The following RBAK variants were observed in gnomAD, a reference collection of about 807,000 sequenced individuals.
RBAK encodes RB-associated KRAB zinc finger protein.
A neutral mutation model predicts 65.8 loss-of-function variants in RBAK; 39 were observed. That is an observed-to-expected ratio of 0.59 (90% CI 0.46 to 0.77). The LOEUF (loss-of-function observed/expected upper bound fraction) is 0.77. Among genes scored for constraint, RBAK ranks in the 30% least tolerant of loss-of-function variants. RBAK has a pLI of 0.00. For synonymous variants in RBAK, 343 were observed against 289.7 expected, an observed-to-expected ratio of 1.18 and a Z score of -1.87; for missense variants, 884 against 855.1, an observed-to-expected ratio of 1.03 and a Z score of -0.42.
At chr7:5,055,337 CAT>C (rs976454299) in intron 2 of RBAK, among the ~76,000 whole-genome samples, 13 of 150,970 alleles carry the variant, frequency 8.6e-5, no homozygotes, top group African/African-American at 2.9e-4. Flanking sequence ...AATTGAAATA[CAT>C]ATGTCACATA....
Position 5,063,613 on chromosome 7 carries a change from A to G in RBAK, c.239-82A>G, listed in dbSNP as rs369934466. The G allele has an allele frequency of 6.7e-5, 76 of 1,131,996 alleles. No individual in the cohort carries two copies. The East Asian group carries it at 1.3e-3, about 19-fold the overall frequency. The allele number at this position is 1,131,996 out of a possible 1,614,324, so 70.1% of individuals were successfully genotyped here. A position where few individuals can be genotyped will look rare whatever the true frequency, so the allele number is the denominator to read the frequency against. On this transcript the variant is annotated intron_variant, in intron 4 of 4. Coordinates refer to ENST00000396912, the MANE Select transcript of RBAK (RefSeq NM_021163.4). ...CTCTAAAGCCAGAGTCAACCCCACAATGGGGGCTCTTGAATACCAGTACCT... is the reference window on the plus strand; with the variant it reads ...CTCTAAAGCCAGAGTCAACCCCACAGTGGGGGCTCTTGAATACCAGTACCT...
chr7:5,065,637 T>A lies in RBAK; in HGVS notation c.*36T>A. ...CAATTTTTAGAAAACTCTCTGAATA[T>A]AATGAATATGGGGAATCCAATAGGA... On this transcript the variant is annotated 3_prime_UTR_variant, in exon 5 of 5. Coordinates refer to ENST00000396912, the MANE Select transcript of RBAK (RefSeq NM_021163.4). This position sits in a 1 kb window ranked among gnomAD's most constrained non-coding sequence, Gnocchi z 5.3. The A allele has an allele frequency of 7.1e-7, 1 of 1,405,388 alleles. No individual in the cohort carries two copies. The highest frequency in any genetic ancestry group is 9.6e-7 in the Non-Finnish European group (1 of 1,046,046). 87.1% of individuals were successfully genotyped at this position (1,405,388 alleles called of 1,614,324 possible). A position where few individuals can be genotyped will look rare whatever the true frequency, so the allele number is the denominator to read the frequency against.
Position 5,067,927 on chromosome 7 carries a change from T to C in RBAK, c.*2326T>C, listed in dbSNP as rs1470972896. On this transcript the variant is annotated 3_prime_UTR_variant, in exon 5 of 5. Transcript: ENST00000396912. ...GGATTGCAGATCTGAATATGAAATG[T>C]GAAAGCTTTACAAAGAAATCTTAGG... The C allele has an allele frequency of 6.6e-6, 1 of 152,248 alleles. No individual in the cohort carries two copies. Among genetic ancestry groups the C allele is most frequent in the Non-Finnish European group, 1.5e-5 (1 of 68,044 alleles). The allele number at this position is 152,248 out of a possible 1,614,324, so 9.4% of individuals were successfully genotyped here. A position where few individuals can be genotyped will look rare whatever the true frequency, so the allele number is the denominator to read the frequency against.
In RBAK at chr7:5,068,664, A is replaced by G. The variant is rs192973098; in HGVS notation, c.*3063A>G. The stretch of plus-strand genomic sequence containing the variant: ...ATTTTGAAAGCTGGCACTAAAAGCC[A>G]AGCATATGTATACTGTTTTACCCAA... On this transcript the variant is annotated 3_prime_UTR_variant, in exon 5 of 5. Transcript: ENST00000396912. The G allele has an allele frequency of 6.6e-6, 1 of 152,354 alleles. No homozygotes were observed. Among genetic ancestry groups the G allele is most frequent in the East Asian group, 1.9e-4 (1 of 5,194 alleles). The allele number at this position is 152,354 out of a possible 1,614,324, so 9.4% of individuals were successfully genotyped here. A position where few individuals can be genotyped will look rare whatever the true frequency, so the allele number is the denominator to read the frequency against.
At chr7:5,054,405 CAAAAA>C (rs35087089) in intron 2 of RBAK, among the ~76,000 whole-genome samples, 1 of 103,758 alleles carries the variant, frequency 9.6e-6, no homozygotes, top group Non-Finnish European at 2.1e-5. Context: ...GACTTTGCCT[CAAAAA>C]AAAAAAAAAA....
chr7:5,065,212 C>G lies in RBAK; in HGVS notation c.1756C>G (p.Gln586Glu). The stretch of plus-strand genomic sequence containing the variant: ...CCATAATTCATCCCTCTTCAGACAT[C>G]AAAGAGTACACACAGGCGAGAAACC... ...FSHNSSLFRH[Q>E]RVHTGEKPYE... The change falls in exon 5 of 5, where the codon CAA (glutamine) becomes GAA (glutamate). Residue 586 changes from glutamine (Q) to glutamate (E), a missense_variant. By Grantham distance (29) the Gln-to-Glu change is conservative. Transcript: ENST00000396912. The surrounding 1 kb of genome is among the most constrained non-coding windows in gnomAD (Gnocchi z 5.3). 1 of 1,613,356 alleles carries G rather than the reference C, an allele frequency of 6.2e-7. No homozygotes were observed.
intron 4 of RBAK, among the ~76,000 whole-genome samples, chr7:5,058,865 C>T (rs182302972): frequency 6.6e-6 from 1 of 152,326 alleles, no homozygotes; most frequent in African/African-American, 2.4e-5. Flanking sequence ...TCTAATCTCA[C>T]CTTCTAAGAC....
intron 4 of RBAK, among the ~76,000 whole-genome samples, 196 bp from the exon 5 acceptor site, chr7:5,063,498 TG>T (rs1779129303): frequency 2.6e-5 from 4 of 152,022 alleles, no homozygotes; most frequent in Non-Finnish European, 5.9e-5. Context: ...TGTGTGTGTG[TG>T]TGTGTGTGTG....
intron 2 of RBAK, among the ~76,000 whole-genome samples, chr7:5,050,970 A>G (rs2115027570): frequency 6.6e-6 from 1 of 152,298 alleles, no homozygotes; most frequent in East Asian, 1.9e-4. Context: ...TCTAAGCAGG[A>G]AGGTTTTTTT....
chr7:5,058,508 AT>A (rs1778983274), intron 4 of RBAK, among the ~76,000 whole-genome samples: 1 of 151,878 alleles, frequency 6.6e-6, no homozygotes. Flanking sequence ...TCTGCCCTCG[AT>A]TTTATTTACT....
chr7:5,059,229 C>T (rs375363447), intron 4 of RBAK, among the ~76,000 whole-genome samples: 9 of 152,106 alleles, frequency 5.9e-5, no homozygotes, highest in African/African-American at 2.2e-4. Flanking sequence ...TTCAAATGAT[C>T]ATTGTCCTTT....
intron 4 of RBAK, among the ~76,000 whole-genome samples, chr7:5,061,776 T>G (rs777937244): frequency 6.6e-6 from 1 of 151,836 alleles, no homozygotes; most frequent in Non-Finnish European, 1.5e-5. Context: ...CGTGTGCCTG[T>G]AATCCCAGCT....
chr7:5,063,821 AC>A lies in RBAK; in HGVS notation c.366del (p.Tyr122Ter). 6.2e-7 allele frequency: 1 copy of A among 1,614,060 alleles called. No homozygotes were observed. The highest frequency in any genetic ancestry group is 8.5e-7 in the Non-Finnish European group (1 of 1,179,946). On this transcript the variant is annotated frameshift_variant, in exon 5 of 5. Transcript: ENST00000396912. LOFTEE classifies it high-confidence loss of function. ...EEKENTFSQI[Y>X]METSLVPSSI... ...AAAGAGAATACATTTAGTCAAATTT[AC>A]ATGGAAACAAGCCTTGTTCCTTCAA...
At position 5,057,678 on chromosome 7, in the gene RBAK, T is replaced by C. The variant is rs772548504; in HGVS notation, c.143-6T>C. 1.9e-6 allele frequency: 3 copies of C among 1,613,772 alleles called. No homozygotes were observed. Among genetic ancestry groups the C allele is most frequent in the Non-Finnish European group, 1.7e-6 (2 of 1,179,800 alleles). On this transcript the variant is annotated splice_polypyrimidine_tract_variant and splice_region_variant and intron_variant, in intron 3 of 4. Coordinates refer to ENST00000396912, the MANE Select transcript of RBAK (RefSeq NM_021163.4). ...CCCCAAGTCCTCCTTCTTTTCCCATTAACAGGATATGATACCACCAAGCCA... is the reference window on the plus strand; with the variant it reads ...CCCCAAGTCCTCCTTCTTTTCCCATCAACAGGATATGATACCACCAAGCCA...
intron 2 of RBAK, among the ~76,000 whole-genome samples, chr7:5,050,322 A>T (rs2115026662): frequency 6.6e-6 from 1 of 152,330 alleles, no homozygotes; most frequent in African/African-American, 2.4e-5. Flanking sequence ...TAGCACATTT[A>T]AAAAATATAT....
chr7:5,065,579 T>C lies in RBAK; in HGVS notation c.2123T>C (p.Val708Ala). The C allele has an allele frequency of 6.6e-7, 1 of 1,525,590 alleles. No individual in the cohort carries two copies. The allele number at this position is 1,525,590 out of a possible 1,614,324, so 94.5% of individuals were successfully genotyped here. A position where few individuals can be genotyped will look rare whatever the true frequency, so the allele number is the denominator to read the frequency against. Reference sequence around the variant, plus strand: ...ATTCATAGAAGAGGAAATATGAACGTACTTGATGTGGAAAATCTCTGAAGT... The same window carrying C: ...ATTCATAGAAGAGGAAATATGAACGCACTTGATGTGGAAAATCTCTGAAGT... ...QRIHRRGNMN[V>A]LDVENL Residue 708 changes from valine to alanine, a missense_variant, in exon 5 of 5, where the codon GTA becomes GCA. By Grantham distance (64) the Val-to-Ala change is moderately conservative. Coordinates refer to ENST00000396912, the MANE Select transcript of RBAK (RefSeq NM_021163.4). The surrounding 1 kb of genome is among the most constrained non-coding windows in gnomAD (Gnocchi z 5.3).
intron 1 of RBAK, among the ~76,000 whole-genome samples, chr7:5,046,600 G>T (rs1787991007): frequency 6.6e-6 from 1 of 152,174 alleles, no homozygotes; most frequent in South Asian, 2.1e-4. Flanking sequence ...GGCCTGGAGG[G>T]TGTCACCAGC....
rs1186075208 is a variant in RBAK, at chr7:5,062,030, C to G, written c.239-1665C>G. ...TGAGGAAATCAAAGCATTCAGAATG[C>G]TTATTTGCATTTATATGCAGACTAG... On this transcript the variant is annotated intron_variant, in intron 4 of 4. Transcript: ENST00000396912. Among the ~76,000 whole-genome samples, 3 of 152,262 alleles carry G rather than the reference C, an allele frequency of 2.0e-5. No homozygotes were observed. In the East Asian group the frequency reaches 5.8e-4, roughly 29 times the overall value.
At chr7:5,061,645 C>T (rs1316899685) in intron 4 of RBAK, among the ~76,000 whole-genome samples, 4 of 150,930 alleles carry the variant, frequency 2.7e-5, no homozygotes, top group African/African-American at 7.3e-5. Context: ...TGTTTGTAAT[C>T]CCAGCACTTT....
Sources: allele counts gnomAD v4.1 joint callset (sites outside exome capture counted in the v4.1 genomes callset), GRCh38; gene constraint gnomAD v4.1.1; non-coding constraint Gnocchi (gnomAD v3.1); transcripts MANE v1.5; gene names NCBI Gene and HGNC (gene_info 2026-07-23, HGNC 2026-07-21).